TIPIN: variants seen among roughly 807,000 people sequenced by gnomAD.
The protein encoded by TIPIN is TIMELESS interacting protein.
In TIPIN, 29 loss-of-function variants were observed where a neutral mutation model predicts 35.6. The ratio of observed to expected loss-of-function variants is 0.82; its 90% CI spans 0.61 to 1.11. TIPIN has a LOEUF of 1.11. TIPIN is among the 50% of genes most tolerant of loss of function. The pLI is 0.00. For synonymous variants in TIPIN, 102 were observed against 121.5 expected (o/e 0.84, Z 1.06); for missense variants, 296 against 345.4 (o/e 0.86, Z 1.13).
chr15:66,339,249 G>A (rs938800171), intron 7 of TIPIN, among the ~76,000 whole-genome samples: 11 of 147,496 alleles, frequency 7.5e-5, no homozygotes, highest in African/African-American at 2.3e-4. Context: ...GTGAAACTTC[G>A]TTTACAACAT....
chr15:66,377,667 T>TG (rs1027358619), intron 1 of TIPIN, among the ~76,000 whole-genome samples: 8 of 151,142 alleles, frequency 5.3e-5, no homozygotes, highest in South Asian at 2.1e-4. Flanking sequence ...CTGGGTTTTT[T>TG]TTTGTTTGTT....
At position 66,337,288 on chromosome 15, in the gene TIPIN, T is replaced by C. The variant is rs2093051418; in HGVS notation, c.683-107A>G. 4 of 737,762 alleles carry C rather than the reference T, an allele frequency of 5.4e-6. 1 individual carries two copies. Among genetic ancestry groups the C allele is most frequent in the Admixed American group, 2.9e-5 (1 of 34,672 alleles). The allele number at this position is 737,762 out of a possible 1,614,324, so 45.7% of individuals were successfully genotyped here. A position where few individuals can be genotyped will look rare whatever the true frequency, so the allele number is the denominator to read the frequency against. Reference sequence around the variant, plus strand: ...CAGTTTAGTAAAATGAAGTCTAAGATCACTTAATGTTAATTATGATCACTT... The same window carrying C: ...CAGTTTAGTAAAATGAAGTCTAAGACCACTTAATGTTAATTATGATCACTT... On this transcript the variant is annotated intron_variant, in intron 7 of 7. Transcript: ENST00000261881.
chr15:66,361,507 G>T (rs71398259), upstream of TIPIN, among the ~76,000 whole-genome samples: 41 of 149,820 alleles, frequency 2.7e-4, no homozygotes, highest in Non-Finnish European at 5.5e-4. Flanking sequence ...TGCCCACCTG[G>T]GCCTCCCAAA....
At chr15:66,354,857 A>G (rs1233763833) in intron 1 of TIPIN, among the ~76,000 whole-genome samples, 1 of 152,150 alleles carries the variant, frequency 6.6e-6, no homozygotes, top group Non-Finnish European at 1.5e-5. Flanking sequence ...AGTGTCAAGT[A>G]CAAGTGTCAT....
intron 1 of TIPIN, chr15:66,383,645 TCTA>T: frequency 1.1e-6 from 1 of 925,736 alleles, no homozygotes; most frequent in Non-Finnish European, 1.3e-6. Flanking sequence ...AGGACACACT[TCTA>T]CACACACATG....
At chr15:66,343,806 C>T (rs551525584) in intron 6 of TIPIN, among the ~76,000 whole-genome samples, 5 of 152,086 alleles carry the variant, frequency 3.3e-5, no homozygotes, top group East Asian at 1.9e-4. Context: ...CAAGACCAGT[C>T]GGACCAACAT....
At position 66,337,782 on chromosome 15, in the gene TIPIN, A is replaced by T. The variant is rs1409892406; in HGVS notation, c.683-601T>A. Among the ~76,000 whole-genome samples, 133 of 21,576 alleles carry T rather than the reference A, an allele frequency of 6.2e-3. 1 individual carries two copies. The highest frequency in any genetic ancestry group is 9.8e-3 in the Non-Finnish European group (49 of 4,982). 14.2% of individuals were successfully genotyped at this position (21,576 alleles called of 152,430 possible). ...ACAAAACATCAAAAAAAATAAAATA[A>T]AAAAAAAAATAATTAGCTGGCTATG... On this transcript the variant is annotated intron_variant, in intron 7 of 7. Coordinates refer to ENST00000261881, the MANE Select transcript of TIPIN (RefSeq NM_017858.3).
Position 66,349,083 on chromosome 15 carries a change from T to C in TIPIN, c.452A>G (p.His151Arg). The C allele has an allele frequency of 1.9e-6, 3 of 1,610,408 alleles. No individual in the cohort carries two copies. Among genetic ancestry groups the C allele is most frequent in the Admixed American group, 1.7e-5 (1 of 59,930 alleles). Residue 151 changes from histidine to arginine, a missense_variant, in exon 6 of 8, where the codon CAT (histidine) becomes CGT (arginine). Physicochemically the swap from His to Arg is conservative, Grantham distance 29. Coordinates refer to ENST00000261881, the MANE Select transcript of TIPIN (RefSeq NM_017858.3). Reference protein sequence around the residue: ...KRIRLDLPILHEDFVSNNDEV... With the variant: ...KRIRLDLPILREDFVSNNDEV... ...ACCATTATTGCTAACAAAATCTTCATGTAAAATAGGGAGATCAAGTCGAAT... is the reference window on the plus strand; with the variant it reads ...ACCATTATTGCTAACAAAATCTTCACGTAAAATAGGGAGATCAAGTCGAAT...
intron 7 of TIPIN, among the ~76,000 whole-genome samples, chr15:66,338,193 T>C (rs552736864): frequency 6.7e-6 from 1 of 149,564 alleles, no homozygotes; most frequent in East Asian, 2.0e-4. Context: ...GAGGCGGAGG[T>C]TGCAGTGGGC....
chr15:66,376,907 G>A (rs1595820822), intron 1 of TIPIN, among the ~76,000 whole-genome samples: 1 of 151,672 alleles, frequency 6.6e-6, no homozygotes, highest in African/African-American at 2.4e-5. Context: ...TCAGGAGTTT[G>A]AGACCAACCT....
At chr15:66,368,483 C>T (rs144176134) in intron 1 of TIPIN, among the ~76,000 whole-genome samples, 2 of 151,984 alleles carry the variant, frequency 1.3e-5, no homozygotes, top group African/African-American at 2.4e-5. Context: ...GAGCCATGAT[C>T]GTGCTACTGT....
chr15:66,359,480 G>A (rs1427605965), upstream of TIPIN, among the ~76,000 whole-genome samples: 1 of 151,996 alleles, frequency 6.6e-6, no homozygotes, highest in Non-Finnish European at 1.5e-5. Flanking sequence ...GAATATCTGG[G>A]ATTACAGGCA....
At chr15:66,379,043 G>A (rs535864854) in intron 1 of TIPIN, among the ~76,000 whole-genome samples, 1 of 152,176 alleles carries the variant, frequency 6.6e-6, no homozygotes, top group South Asian at 2.1e-4. Context: ...ACAGGCATGA[G>A]CCGCCGTGCA....
chr15:66,350,938 T>TAAAA (rs35214451), intron 4 of TIPIN, among the ~76,000 whole-genome samples: 4 of 82,398 alleles, frequency 4.9e-5, no homozygotes, highest in South Asian at 4.0e-4. Context: ...GACTCCGTCT[T>TAAAA]AAAAAAAAAA....
chr15:66,379,418 T>C (rs2093309671), intron 1 of TIPIN: 14 of 1,602,974 alleles, frequency 8.7e-6, no homozygotes, highest in African/African-American at 1.3e-5. Context: ...TGTTTTAAAC[T>C]GTTGTGGCTT....
At position 66,337,057 on chromosome 15, in the gene TIPIN, G is replaced by A. The variant is rs1474773836; in HGVS notation, c.807C>T (p.Ala269=). The A allele has an allele frequency of 1.9e-6, 3 of 1,614,008 alleles. No homozygotes were observed. The Admixed American group carries it at 5.0e-5, about 27-fold the overall frequency. Residue 269 remains alanine, a synonymous_variant, in exon 8 of 8, where the codon GCC becomes GCT. Transcript: ENST00000261881. ...ILDNPCNDAI[A]NTLNEEETLL... ...GTGTTTCCTCTTCATTTAAAGTATT[G>A]GCAATAGCATCATTACATGGATTGT... is the stretch of plus-strand genomic sequence containing the variant.
chr15:66,337,213 T>A (rs1420363502), intron 7 of TIPIN, 32 bp from the exon 8 acceptor site: 1 of 1,580,908 alleles, frequency 6.3e-7, no homozygotes, highest in Non-Finnish European at 8.7e-7. Context: ...TTATTCATTA[T>A]AAGTACCTGA....
Position 66,337,066 on chromosome 15 carries a change from A to G in TIPIN, c.798T>C (p.Asp266=). The change falls in exon 8 of 8, where the codon GAT becomes GAC. Residue 266 remains aspartate, a synonymous_variant. Coordinates refer to ENST00000261881, the MANE Select transcript of TIPIN (RefSeq NM_017858.3). ...CTTCATTTAAAGTATTGGCAATAGC[A>G]TCATTACATGGATTGTCCAGAATGT... is the stretch of plus-strand genomic sequence containing the variant. ...NEDILDNPCN[D]AIANTLNEEE... The G allele has an allele frequency of 1.2e-6, 2 of 1,614,158 alleles. No individual in the cohort carries two copies. The highest frequency in any genetic ancestry group is 1.7e-6 in the Non-Finnish European group (2 of 1,180,020).
chr15:66,366,386 A>T (rs2093254324), intron 1 of TIPIN, among the ~76,000 whole-genome samples: 1 of 151,712 alleles, frequency 6.6e-6, no homozygotes, highest in Non-Finnish European at 1.5e-5. Flanking sequence ...TCTGGGAGGC[A>T]GAGGTTGCAG....
Sources: allele counts gnomAD v4.1 joint callset (sites outside exome capture counted in the v4.1 genomes callset), GRCh38; gene constraint gnomAD v4.1.1; transcripts MANE v1.5; gene names NCBI Gene and HGNC (gene_info 2026-07-23, HGNC 2026-07-21).